Variants in TAFA1 observed in about 807,000 individuals in gnomAD.
TAFA1 encodes the protein TAFA chemokine like family member 1, also known as chemokine-like protein TAFA-1.
TAFA1 carries 4 observed loss-of-function variants against 18.5 expected under a neutral mutation model. That is an observed-to-expected ratio of 0.22 (90% confidence interval 0.11 to 0.49). The LOEUF (loss-of-function observed/expected upper bound fraction) is 0.49. Ranked by LOEUF, TAFA1 falls within the 20% of genes least tolerant of loss-of-function variation. TAFA1 has a pLI of 0.98. For synonymous variants in TAFA1, 56 were observed against 55.2 expected, an observed-to-expected ratio of 1.01 and a Z score of -0.06; for missense variants, 147 against 169.0, an observed-to-expected ratio of 0.87 and a Z score of 0.72.
At chr3:68,126,688 A>G (rs1351218209) in intron 2 of TAFA1, among the ~76,000 whole-genome samples, 2 of 152,232 alleles carry the variant, frequency 1.3e-5, no homozygotes, top group Non-Finnish European at 2.9e-5. Context: ...TGCACAGTTA[A>G]CATTACATCA....
At chr3:68,540,405 C>T (rs2073352570) in intron 4 of TAFA1, among the ~76,000 whole-genome samples, 1 of 152,124 alleles carries the variant, frequency 6.6e-6, no homozygotes, top group African/African-American at 2.4e-5. Context: ...TGCAACTTAT[C>T]CACAGAGACC....
chr3:68,291,504 G>T (rs565007831), intron 2 of TAFA1, among the ~76,000 whole-genome samples: 1 of 152,116 alleles, frequency 6.6e-6, no homozygotes. Flanking sequence ...GAGCTATTAA[G>T]TGGTGGAGGG....
intron 2 of TAFA1, among the ~76,000 whole-genome samples, chr3:68,242,257 G>A (rs575989797): frequency 1.3e-5 from 2 of 152,198 alleles, no homozygotes; most frequent in African/African-American, 2.4e-5. Context: ...AGGTAAGAAC[G>A]TTTCTAATGA....
At chr3:68,181,869 T>A (rs2066206230) in intron 2 of TAFA1, among the ~76,000 whole-genome samples, 1 of 152,184 alleles carries the variant, frequency 6.6e-6, no homozygotes, top group Non-Finnish European at 1.5e-5. Flanking sequence ...AAACATTGTC[T>A]CAAAGATCTG....
At chr3:68,228,346 C>T (rs938928702) in intron 2 of TAFA1, among the ~76,000 whole-genome samples, 7 of 152,104 alleles carry the variant, frequency 4.6e-5, no homozygotes, top group Admixed American at 2.0e-4. Flanking sequence ...CTTGAATTCC[C>T]GCTCAAGCTA....
intron 3 of TAFA1, among the ~76,000 whole-genome samples, chr3:68,477,874 T>G (rs1284862399): frequency 1.3e-5 from 2 of 152,216 alleles, no homozygotes; most frequent in African/African-American, 4.8e-5. Flanking sequence ...GAGAGGTAAC[T>G]CATTGTCATT....
chr3:68,127,487 C>G (rs950217825), intron 2 of TAFA1, among the ~76,000 whole-genome samples: 3 of 151,252 alleles, frequency 2.0e-5, no homozygotes, highest in Non-Finnish European at 4.4e-5. Flanking sequence ...TTGAGTAGGT[C>G]TTGAAGATTT....
At chr3:68,334,336 C>G (rs2068934535) in intron 2 of TAFA1, among the ~76,000 whole-genome samples, 1 of 151,740 alleles carries the variant, frequency 6.6e-6, no homozygotes, top group African/African-American at 2.4e-5. Context: ...CAAAGCAGTG[C>G]TGAGATACTA....
chr3:68,209,760 A>C (rs1559559606), intron 2 of TAFA1, among the ~76,000 whole-genome samples: 1 of 152,076 alleles, frequency 6.6e-6, no homozygotes, highest in Non-Finnish European at 1.5e-5. Context: ...GTTTGCTGTT[A>C]AGTTAGGGAA....
chr3:68,458,467 G>A (rs1211564584), intron 3 of TAFA1, among the ~76,000 whole-genome samples: 1 of 152,138 alleles, frequency 6.6e-6, no homozygotes, highest in African/African-American at 2.4e-5. Flanking sequence ...ATTGCAGCTT[G>A]TTTTTCATGA....
chr3:68,448,688 G>C (rs2071515438), intron 3 of TAFA1, among the ~76,000 whole-genome samples: 1 of 151,928 alleles, frequency 6.6e-6, no homozygotes, highest in Admixed American at 6.6e-5. Flanking sequence ...TACTTCAACT[G>C]TTAATGTTGT....
At chr3:68,493,751 A>G (rs1313147654) in intron 3 of TAFA1, among the ~76,000 whole-genome samples, 2 of 152,256 alleles carry the variant, frequency 1.3e-5, no homozygotes, top group African/African-American at 4.8e-5. Context: ...CTAGACAATG[A>G]ATGATCAGAA....
chr3:68,219,564 C>T (rs1165883474), intron 2 of TAFA1, among the ~76,000 whole-genome samples: 1 of 152,102 alleles, frequency 6.6e-6, no homozygotes, highest in Non-Finnish European at 1.5e-5. Flanking sequence ...CTCTCAGCTT[C>T]TAGAGGCAGC....
At chr3:68,479,576 A>G (rs1416729174) in intron 3 of TAFA1, among the ~76,000 whole-genome samples, 1 of 152,142 alleles carries the variant, frequency 6.6e-6, no homozygotes, top group Admixed American at 6.6e-5. Context: ...CTATTAAAGC[A>G]ATGCTGGGAT....
intron 2 of TAFA1, among the ~76,000 whole-genome samples, chr3:68,021,929 G>A (rs1262011643): frequency 1.3e-5 from 2 of 152,284 alleles, no homozygotes; most frequent in East Asian, 3.9e-4. Context: ...GCCTTACCAA[G>A]TGCTTTGATC....
intron 3 of TAFA1, among the ~76,000 whole-genome samples, chr3:68,462,016 A>G (rs994915117): frequency 1.3e-5 from 2 of 152,112 alleles, no homozygotes; most frequent in Non-Finnish European, 2.9e-5. Context: ...ATAAAAACAG[A>G]ATACATTTTC....
At chr3:68,113,904 T>G (rs1382951076) in intron 2 of TAFA1, among the ~76,000 whole-genome samples, 7 of 143,930 alleles carry the variant, frequency 4.9e-5, no homozygotes, top group East Asian at 2.0e-4. Context: ...TTTGTTTTTT[T>G]TTTTTTTTTT....
chr3:68,134,800 G>T (rs1481357290), intron 2 of TAFA1, among the ~76,000 whole-genome samples: 1 of 152,210 alleles, frequency 6.6e-6, no homozygotes, highest in Non-Finnish European at 1.5e-5. Flanking sequence ...CTGTCATTGG[G>T]AAGGTAAGGA....
intron 2 of TAFA1, among the ~76,000 whole-genome samples, chr3:68,225,935 G>T (rs1189973114): frequency 6.6e-6 from 1 of 151,838 alleles, no homozygotes; most frequent in Non-Finnish European, 1.5e-5. Context: ...TCAATATGGA[G>T]AGATAAGATT....
Sources: gnomAD v4.1 joint callset for allele counts (sites outside exome capture counted in the v4.1 genomes callset) on GRCh38, gnomAD v4.1.1 for gene constraint, MANE v1.5 for transcripts, NCBI Gene and HGNC (gene_info 2026-07-23, HGNC 2026-07-21) for gene names.